Variants in RGS7 observed in about 807,000 individuals in gnomAD.
RGS7 encodes the protein regulator of G-protein signaling 7.
A neutral mutation model predicts 81.1 loss-of-function variants in RGS7; 27 were observed. The observed-to-expected ratio is 0.33, with a 90% CI of 0.25 to 0.46. The LOEUF is 0.46. Ranked by LOEUF, RGS7 falls within the 20% of genes least tolerant of loss-of-function variation. The pLI is 1.00. For synonymous variants in RGS7, 208 were observed against 207.7 expected, an observed-to-expected ratio of 1.00 and a Z score of -0.01; for missense variants, 396 against 607.4, an observed-to-expected ratio of 0.65 and a Z score of 3.66.
At chr1:241,154,099 C>T (rs73129654) in intron 2 of RGS7, among the ~76,000 whole-genome samples, 1 of 151,920 alleles carries the variant, frequency 6.6e-6, no homozygotes, top group African/African-American at 2.4e-5. Flanking sequence ...GTTTTTGTGG[C>T]GAGATTCTAG....
intron 2 of RGS7, among the ~76,000 whole-genome samples, chr1:241,269,820 C>T (rs1035031256): frequency 6.6e-6 from 1 of 152,156 alleles, no homozygotes; most frequent in African/African-American, 2.4e-5. Context: ...TGTAATTGTA[C>T]ACTGCTGTCT....
At chr1:240,998,880 T>A in intron 3 of RGS7, 1 of 429,952 alleles carries the variant, frequency 2.3e-6, no homozygotes, top group Non-Finnish European at 4.4e-6. Flanking sequence ...CTTCAAGCAC[T>A]TTTTTAGTCC....
At chr1:241,356,266 T>G (rs961193202) in intron 1 of RGS7, among the ~76,000 whole-genome samples, 6 of 152,200 alleles carry the variant, frequency 3.9e-5, no homozygotes, top group Non-Finnish European at 5.9e-5. Flanking sequence ...CTCCTAGGTA[T>G]CTGTCTAGTG....
intron 6 of RGS7, among the ~76,000 whole-genome samples, chr1:240,913,934 T>C (rs1672174627): frequency 6.6e-6 from 1 of 152,078 alleles, no homozygotes; most frequent in South Asian, 2.1e-4. Context: ...TATTATACTT[T>C]AAGTTTTAGG....
intron 2 of RGS7, among the ~76,000 whole-genome samples, chr1:241,120,399 G>T (rs1418038674): frequency 1.3e-5 from 2 of 152,148 alleles, no homozygotes; most frequent in African/African-American, 4.8e-5. Flanking sequence ...CCAGGCTGGA[G>T]TGCAGTGGCA....
At chr1:240,822,015 T>C (rs563428037) in intron 10 of RGS7, among the ~76,000 whole-genome samples, 13 of 152,202 alleles carry the variant, frequency 8.5e-5, no homozygotes, top group Non-Finnish European at 1.9e-4. Context: ...GGCTGGCTCA[T>C]AGTACTCAGA....
intron 3 of RGS7, among the ~76,000 whole-genome samples, chr1:241,017,259 C>T (rs552501724): frequency 4.0e-5 from 6 of 151,840 alleles, no homozygotes; most frequent in South Asian, 2.1e-4. Context: ...CTGGTCAACA[C>T]GGTGAAACCC....
At chr1:241,224,065 T>C (rs1176703734) in intron 2 of RGS7, among the ~76,000 whole-genome samples, 1 of 149,328 alleles carries the variant, frequency 6.7e-6, no homozygotes, top group African/African-American at 2.4e-5. Flanking sequence ...TGGTGACCAA[T>C]ATATATATAT....
intron 9 of RGS7, among the ~76,000 whole-genome samples, chr1:240,867,017 CAA>C (rs886984160): frequency 6.6e-6 from 1 of 151,656 alleles, no homozygotes; most frequent in Non-Finnish European, 1.5e-5. Context: ...TTAAAACAAA[CAA>C]AAAAAATAAA....
At chr1:241,195,857 A>G (rs947630554) in intron 2 of RGS7, among the ~76,000 whole-genome samples, 5 of 152,150 alleles carry the variant, frequency 3.3e-5, no homozygotes, top group African/African-American at 4.8e-5. Flanking sequence ...GGACAGGTAC[A>G]ATGAAAAGAT....
chr1:241,256,957 A>G (rs1441676809), intron 2 of RGS7, among the ~76,000 whole-genome samples: 1 of 139,852 alleles, frequency 7.2e-6, no homozygotes, highest in African/African-American at 2.6e-5. Context: ...ACACACACAC[A>G]CACACGTGTG....
At chr1:241,169,405 G>A (rs763153112) in intron 2 of RGS7, among the ~76,000 whole-genome samples, 24 of 135,080 alleles carry the variant, frequency 1.8e-4, no homozygotes, top group African/African-American at 3.7e-4. Flanking sequence ...GTGCAGTGGC[G>A]CGATCTTGGG....
chr1:241,036,493 T>G lies in RGS7; in HGVS notation c.176-53364A>C, dbSNP rs2060333130. ...TGGTGGTTGTTGGCCTTAGCTACAT[T>G]TATTACATCCAAAATATAGAGCAGC... On this transcript the variant is annotated intron_variant, in intron 3 of 18. Transcript: ENST00000440928. Among the ~76,000 whole-genome samples the G allele has an allele frequency of 3.3e-5, 5 of 152,198 alleles. 1 individual carries two copies. In the South Asian group the frequency reaches 1.0e-3, roughly 31 times the overall value.
intron 2 of RGS7, among the ~76,000 whole-genome samples, chr1:241,175,677 C>T (rs929542649): frequency 1.3e-5 from 2 of 152,128 alleles, no homozygotes; most frequent in Non-Finnish European, 2.9e-5. Context: ...GGAGGGAAAT[C>T]CACCACAGAG....
intron 9 of RGS7, among the ~76,000 whole-genome samples, chr1:240,855,766 TTC>T (rs1267422647): frequency 1.3e-5 from 2 of 152,180 alleles, no homozygotes; most frequent in Non-Finnish European, 1.5e-5. Flanking sequence ...ATCTTTTTAA[TTC>T]ATATTGTCAA....
intron 2 of RGS7, among the ~76,000 whole-genome samples, chr1:241,335,982 AGAG>A (rs1307772365): frequency 2.0e-5 from 3 of 152,200 alleles, no homozygotes; most frequent in African/African-American, 7.2e-5. Flanking sequence ...TTGTTATGTT[AGAG>A]TAGTGTGATT....
At chr1:241,126,035 C>T (rs1166327237) in intron 2 of RGS7, among the ~76,000 whole-genome samples, 3 of 152,102 alleles carry the variant, frequency 2.0e-5, no homozygotes, top group South Asian at 2.1e-4. Flanking sequence ...TTGGTGACCC[C>T]GTTCTAGAGT....
intron 2 of RGS7, among the ~76,000 whole-genome samples, chr1:241,221,625 G>A (rs1037648322): frequency 1.3e-5 from 2 of 152,208 alleles, no homozygotes; most frequent in Non-Finnish European, 2.9e-5. Flanking sequence ...ACTTTTGAAT[G>A]AGATTAACAT....
At chr1:241,346,647 G>A (rs981869770) in intron 2 of RGS7, among the ~76,000 whole-genome samples, 2 of 152,158 alleles carry the variant, frequency 1.3e-5, no homozygotes, top group Non-Finnish European at 2.9e-5. Flanking sequence ...CGACAGTTCT[G>A]CCACTAGTCT....
Sources: gnomAD v4.1 joint callset for allele counts (sites outside exome capture counted in the v4.1 genomes callset) on GRCh38, gnomAD v4.1.1 for gene constraint, MANE v1.5 for transcripts, NCBI Gene and HGNC (gene_info 2026-07-23, HGNC 2026-07-21) for gene names.